GRIP1: variants seen among roughly 807,000 people sequenced by gnomAD.
GRIP1 encodes the protein glutamate receptor interacting protein 1.
GRIP1 carries 45 observed loss-of-function variants against 129.9 expected under a neutral mutation model. That is an observed-to-expected ratio of 0.35 (90% CI 0.27 to 0.44). The LOEUF (loss-of-function observed/expected upper bound fraction) is 0.44. GRIP1 is among the 20% of genes least tolerant of loss of function. The pLI, the probability that GRIP1 is intolerant of heterozygous loss-of-function variation, is 1.00. For missense variants in GRIP1, 1,196 were observed against 1,396.8 expected, an observed-to-expected ratio of 0.86 and a Z score of 2.29; for synonymous variants, 530 against 520.8, an observed-to-expected ratio of 1.02 and a Z score of -0.24.
intron 5 of GRIP1, among the ~76,000 whole-genome samples, chr12:66,528,432 C>G (rs578234650): frequency 6.6e-6 from 1 of 151,948 alleles, no homozygotes; most frequent in East Asian, 1.9e-4. Flanking sequence ...TCACTGTGCC[C>G]GGCCTAGAAT....
At chr12:67,009,473 T>C (rs997735665) in intron 1 of GRIP1, among the ~76,000 whole-genome samples, 28 of 152,114 alleles carry the variant, frequency 1.8e-4, no homozygotes, top group African/African-American at 6.5e-4. Context: ...AGGAATAAAA[T>C]TTTATCTACA....
At chr12:66,921,268 C>T (rs896657684) in intron 1 of GRIP1, among the ~76,000 whole-genome samples, 1 of 152,154 alleles carries the variant, frequency 6.6e-6, no homozygotes, top group East Asian at 1.9e-4. Flanking sequence ...TTCCATAAAC[C>T]CAACATGTGT....
chr12:66,723,985 G>T (rs1378618475), intron 1 of GRIP1, among the ~76,000 whole-genome samples: 1 of 152,174 alleles, frequency 6.6e-6, no homozygotes, highest in East Asian at 1.9e-4. Flanking sequence ...GAAATGACAG[G>T]TTAGGAAAGC....
intron 1 of GRIP1, among the ~76,000 whole-genome samples, chr12:66,926,016 A>G (rs2041290553): frequency 6.6e-6 from 1 of 152,262 alleles, no homozygotes; most frequent in Admixed American, 6.5e-5. Context: ...TGATTAATAA[A>G]TAAGCTGTTT....
intron 1 of GRIP1, among the ~76,000 whole-genome samples, chr12:66,888,808 A>T (rs2040608806): frequency 6.6e-6 from 1 of 152,248 alleles, no homozygotes; most frequent in Non-Finnish European, 1.5e-5. Context: ...TACTGAACAC[A>T]GTTGCTATCA....
chr12:66,348,808 C>T lies in GRIP1; in HGVS notation c.*211G>A. The T allele has an allele frequency of 1.7e-6, 1 of 585,592 alleles. No individual in the cohort carries two copies. The highest frequency in any genetic ancestry group is 3.0e-6 in the Non-Finnish European group (1 of 328,254). 36.3% of individuals were successfully genotyped at this position (585,592 alleles called of 1,614,324 possible). On this transcript the variant is annotated 3_prime_UTR_variant, in exon 25 of 25. Coordinates refer to ENST00000359742, the MANE Select transcript of GRIP1 (RefSeq NM_001366722.1). Reference sequence around the variant, plus strand: ...ACCGTTGGGACTGGCAGGGCATTGCCCACCATATACCATAGTGGTCACCAA... The same window carrying T: ...ACCGTTGGGACTGGCAGGGCATTGCTCACCATATACCATAGTGGTCACCAA...
chr12:66,772,458 CT>C (rs2037848991), intron 1 of GRIP1, among the ~76,000 whole-genome samples: 2 of 152,200 alleles, frequency 1.3e-5, no homozygotes, highest in Admixed American at 1.3e-4. Context: ...GGTGGAGTCC[CT>C]GATTGAGAAC....
At chr12:66,708,965 A>G (rs1362018202) in intron 1 of GRIP1, among the ~76,000 whole-genome samples, 1 of 151,902 alleles carries the variant, frequency 6.6e-6, no homozygotes, top group Non-Finnish European at 1.5e-5. Flanking sequence ...ATTCTCTCTG[A>G]TAAATATTAC....
intron 1 of GRIP1, among the ~76,000 whole-genome samples, chr12:66,905,595 G>C (rs539876854): frequency 6.6e-6 from 1 of 152,318 alleles, no homozygotes; most frequent in South Asian, 2.1e-4. Context: ...AAGGTTTTAT[G>C]AGCAAGGGGA....
intron 2 of GRIP1, among the ~76,000 whole-genome samples, chr12:66,583,216 G>T (rs1363397328): frequency 6.6e-6 from 1 of 150,812 alleles, no homozygotes; most frequent in African/African-American, 2.4e-5. Flanking sequence ...GTAGAAAGCT[G>T]AAACTGGATC....
chr12:66,849,831 A>G (rs763867882), intron 1 of GRIP1, among the ~76,000 whole-genome samples: 1 of 152,112 alleles, frequency 6.6e-6, no homozygotes, highest in African/African-American at 2.4e-5. Context: ...CCCCTTCTTC[A>G]CTTTCAAGGA....
chr12:66,946,508 A>G lies in GRIP1; in HGVS notation c.58+122542T>C, dbSNP rs186152164. Among the ~76,000 whole-genome samples the G allele has an allele frequency of 2.9e-3, 443 of 152,138 alleles. 2 individuals carry two copies. In the Middle Eastern group the frequency reaches 0.034, roughly 12 times the overall value. On this transcript the variant is annotated intron_variant, in intron 1 of 1. Coordinates refer to the GRIP1 transcript ENST00000643019. ...CTAAATATATTACAATGACTTTCAA[A>G]CAGTGGTACCAGGAGTGTATTATTC... is the stretch of plus-strand genomic sequence containing the variant.
intron 1 of GRIP1, among the ~76,000 whole-genome samples, chr12:66,900,454 C>A (rs2040826369): frequency 6.6e-6 from 1 of 152,138 alleles, no homozygotes; most frequent in Admixed American, 6.5e-5. Context: ...CTGCCAGCCT[C>A]TTGATCTTGG....
chr12:66,617,425 A>G (rs2139936459), intron 1 of GRIP1, among the ~76,000 whole-genome samples: 1 of 152,210 alleles, frequency 6.6e-6, no homozygotes, highest in South Asian at 2.1e-4. Flanking sequence ...AAAGCTAATG[A>G]TATCAGCGAA....
At chr12:66,898,913 C>T (rs1394450841) in intron 1 of GRIP1, among the ~76,000 whole-genome samples, 2 of 152,076 alleles carry the variant, frequency 1.3e-5, no homozygotes, top group East Asian at 3.9e-4. Context: ...TTATGTAAGG[C>T]CTCAACACCA....
At chr12:66,901,591 C>A (rs2040844835) in intron 1 of GRIP1, among the ~76,000 whole-genome samples, 1 of 152,208 alleles carries the variant, frequency 6.6e-6, no homozygotes, top group Non-Finnish European at 1.5e-5. Context: ...AGAATAAAAG[C>A]CCTTCAATTC....
intron 1 of GRIP1, among the ~76,000 whole-genome samples, chr12:67,045,601 C>T (rs2043241518): frequency 6.6e-6 from 1 of 152,142 alleles, no homozygotes; most frequent in Non-Finnish European, 1.5e-5. Flanking sequence ...GAGTAAATAC[C>T]TGAGTAAGCC....
At chr12:66,978,512 A>G (rs547122486) in intron 1 of GRIP1, among the ~76,000 whole-genome samples, 3 of 152,316 alleles carry the variant, frequency 2.0e-5, no homozygotes, top group Admixed American at 2.0e-4. Context: ...AATTATGTTA[A>G]CATCTCAAGT....
intron 2 of GRIP1, chr12:66,568,350 A>G (rs2062841706): frequency 1.1e-5 from 2 of 177,670 alleles, no homozygotes; most frequent in Admixed American, 1.2e-4. Context: ...AAATGTCTGC[A>G]TATGCTTCTA....
Sources: allele counts gnomAD v4.1 joint callset (sites outside exome capture counted in the v4.1 genomes callset), GRCh38; gene constraint gnomAD v4.1.1; transcripts MANE v1.5; gene names NCBI Gene and HGNC (gene_info 2026-07-23, HGNC 2026-07-21).